The following ASTN2 variants were observed in gnomAD, a reference collection of about 807,000 sequenced individuals.
ASTN2 encodes the protein astrotactin 2, also known as astrotactin-2.
In ASTN2, 54 loss-of-function variants were observed where a neutral mutation model predicts 139.8. The observed-to-expected ratio is 0.39, with a 90% CI of 0.31 to 0.48. The LOEUF is 0.48. Ranked by LOEUF, ASTN2 falls within the 20% of genes least tolerant of loss-of-function variation. The pLI is 0.95. For missense variants in ASTN2, 1,565 were observed against 1,725.1 expected (o/e 0.91, Z 1.64); for synonymous variants, 756 against 719.5 (o/e 1.05, Z -0.81).
intron 10 of ASTN2, among the ~76,000 whole-genome samples, chr9:116,868,471 C>T (rs1318373672): frequency 6.6e-6 from 1 of 152,156 alleles, no homozygotes; most frequent in Non-Finnish European, 1.5e-5. Context: ...TTCAATCTCT[C>T]TGTCTTAGCA....
At chr9:117,267,990 A>G (rs1414180) in intron 2 of ASTN2, among the ~76,000 whole-genome samples, 95,037 of 152,090 alleles carry the variant, frequency 0.62, 30,543 homozygotes, top group East Asian at 0.74. Context: ...CAATCATTGC[A>G]TTTCATTTGA....
At chr9:117,189,151 A>G (rs1831283465) in intron 3 of ASTN2, among the ~76,000 whole-genome samples, 1 of 152,200 alleles carries the variant, frequency 6.6e-6, no homozygotes. Flanking sequence ...AGCTGTAGAG[A>G]AAGAAAACAA....
At chr9:116,578,643 T>C (rs1853826046) in intron 19 of ASTN2, among the ~76,000 whole-genome samples, 1 of 150,366 alleles carries the variant, frequency 6.7e-6, no homozygotes, top group African/African-American at 2.4e-5. Flanking sequence ...TGTGTGTGTG[T>C]GTGTGTGTGT....
chr9:117,135,218 A>T (rs753516991), intron 4 of ASTN2, among the ~76,000 whole-genome samples: 1 of 152,268 alleles, frequency 6.6e-6, no homozygotes. Context: ...CTCTGAATTC[A>T]TAGCTCCACT....
At chr9:116,434,516 C>T (rs940585557) in intron 22 of ASTN2, among the ~76,000 whole-genome samples, 5 of 152,288 alleles carry the variant, frequency 3.3e-5, no homozygotes, top group South Asian at 2.1e-4. Context: ...GCGATCTATT[C>T]GTAATGTCTG....
chr9:117,030,892 C>A (rs1259360265), intron 6 of ASTN2, among the ~76,000 whole-genome samples: 1 of 152,158 alleles, frequency 6.6e-6, no homozygotes, highest in Non-Finnish European at 1.5e-5. Context: ...TTACCAATTT[C>A]ATTACAGATC....
intron 4 of ASTN2, among the ~76,000 whole-genome samples, chr9:117,110,017 T>C (rs1236169409): frequency 1.3e-5 from 2 of 152,198 alleles, no homozygotes; most frequent in Non-Finnish European, 2.9e-5. Context: ...CTATTTCACG[T>C]TGGAATCTGC....
chr9:117,258,549 T>C, intron 2 of ASTN2, among the ~76,000 whole-genome samples: 1 of 152,144 alleles, frequency 6.6e-6, no homozygotes, highest in East Asian at 1.9e-4. Context: ...GTGTCCCTGC[T>C]CCATCACTTT....
At chr9:116,671,936 G>C (rs528491103) in intron 16 of ASTN2, among the ~76,000 whole-genome samples, 20 of 152,158 alleles carry the variant, frequency 1.3e-4, no homozygotes, top group Non-Finnish European at 2.6e-4. Flanking sequence ...AGAGAAACGA[G>C]ATAACCTGTG....
chr9:117,272,116 C>T (rs115517955), intron 2 of ASTN2, among the ~76,000 whole-genome samples: 2,921 of 152,326 alleles, frequency 0.019, 83 homozygotes, highest in African/African-American at 0.067. Context: ...GGCTTCAAGG[C>T]GTTTCCACAC....
chr9:117,299,909 C>A (rs936976675), intron 1 of ASTN2, among the ~76,000 whole-genome samples: 1 of 152,184 alleles, frequency 6.6e-6, no homozygotes, highest in South Asian at 2.1e-4. Context: ...CCCTCTACAG[C>A]ACCTGACTGG....
At chr9:117,396,927 T>A (rs894037606) in intron 1 of ASTN2, among the ~76,000 whole-genome samples, 2 of 145,506 alleles carry the variant, frequency 1.4e-5, no homozygotes, top group Admixed American at 7.0e-5. Flanking sequence ...GAATGGGGTA[T>A]CCATCCACTC....
intron 1 of ASTN2, among the ~76,000 whole-genome samples, chr9:117,317,387 A>C (rs1419509255): frequency 4.6e-5 from 7 of 152,102 alleles, no homozygotes; most frequent in Admixed American, 2.0e-4. Flanking sequence ...CCCTATCTAG[A>C]TATTATTCTG....
intron 18 of ASTN2, among the ~76,000 whole-genome samples, chr9:116,619,329 CA>C (rs1012972600): frequency 2.6e-5 from 4 of 151,952 alleles, no homozygotes; most frequent in Non-Finnish European, 4.4e-5. Context: ...GGTGAATTTC[CA>C]GTGTCTGGCC....
intron 4 of ASTN2, among the ~76,000 whole-genome samples, chr9:117,126,331 C>T (rs1454941586): frequency 1.3e-5 from 2 of 152,196 alleles, no homozygotes; most frequent in East Asian, 3.9e-4. Context: ...TACAGGAGAA[C>T]TGGAAGCAGT....
At chr9:116,737,354 G>A (rs1001053012) in intron 13 of ASTN2, among the ~76,000 whole-genome samples, 11 of 152,124 alleles carry the variant, frequency 7.2e-5, no homozygotes, top group Non-Finnish European at 1.6e-4. Flanking sequence ...CTAGACAACA[G>A]CTGCAGAACC....
In ASTN2 at chr9:116,976,701, C is replaced by T. The variant is rs758971683; in HGVS notation, c.1676G>A (p.Gly559Glu). The T allele has an allele frequency of 1.2e-6, 2 of 1,613,930 alleles. No individual in the cohort carries two copies. Among genetic ancestry groups the T allele is most frequent in the Admixed American group, 1.7e-5 (1 of 60,012 alleles). ...GGACCTGATGCCCTTTGCCACTCAC[C>T]CTTCACTCTGTCCCCAGTCACTGCG... ...CVRSDWGQSE[G>E]PWPYTTLERG... The change falls in exon 8 of 23, where the codon GGA becomes GAA. Residue 559 changes from glycine to glutamate, a missense_variant and splice_region_variant. Coordinates refer to ENST00000313400, the MANE Select transcript of ASTN2 (RefSeq NM_001365068.1).
intron 3 of ASTN2, among the ~76,000 whole-genome samples, chr9:117,151,668 G>A (rs1830329125): frequency 6.6e-6 from 1 of 152,086 alleles, no homozygotes; most frequent in South Asian, 2.1e-4. Flanking sequence ...TAAAGGATGT[G>A]GAACTTGGGA....
At chr9:116,642,266 C>T (rs1397576340) in intron 17 of ASTN2, among the ~76,000 whole-genome samples, 2 of 151,928 alleles carry the variant, frequency 1.3e-5, no homozygotes, top group African/African-American at 4.8e-5. Flanking sequence ...GAACTCCACT[C>T]ACTAGGCACT....
Sources: allele counts gnomAD v4.1 joint callset (sites outside exome capture counted in the v4.1 genomes callset), GRCh38; gene constraint gnomAD v4.1.1; transcripts MANE v1.5; gene names NCBI Gene and HGNC (gene_info 2026-07-23, HGNC 2026-07-21).